GFRA3: variants seen among roughly 807,000 people sequenced by gnomAD.
GFRA3 encodes the protein GDNF family receptor alpha 3, also known as GDNF family receptor alpha-3.
Under a neutral mutation model 40.0 loss-of-function variants are expected in GFRA3, and 24 were observed. That is an observed-to-expected ratio of 0.60 (90% CI 0.43 to 0.84). GFRA3 has a LOEUF of 0.84. GFRA3 is among the 40% of genes least tolerant of loss of function. The probability of loss-of-function intolerance (pLI) is 0.00; values close to 1 mark genes in which losing one functional copy is unlikely to be tolerated. For missense variants in GFRA3, 405 were observed against 530.6 expected (o/e 0.76, Z 2.33); for synonymous variants, 203 against 213.5 (o/e 0.95, Z 0.43).
intron 4 of GFRA3, among the ~76,000 whole-genome samples, chr5:138,254,896 C>T (rs1325651329): frequency 6.6e-6 from 1 of 150,478 alleles, no homozygotes; most frequent in Non-Finnish European, 1.5e-5. Context: ...GGGTTGGAGA[C>T]TACCCTGAGC....
At chr5:138,256,835 T>C (rs1311870372) in intron 4 of GFRA3, among the ~76,000 whole-genome samples, 2 of 151,076 alleles carry the variant, frequency 1.3e-5, no homozygotes, top group Non-Finnish European at 2.9e-5. Flanking sequence ...TAGTCCTAGC[T>C]ACTCGAGAGA....
Position 138,274,538 on chromosome 5 carries a change from G to A in GFRA3, c.-114C>T. ...CCCGCCTCCCGCCCTCCAGCGCGAC[G>A]CACACACTCTCCCACCAGGGTCCTG... On this transcript the variant is annotated 5_prime_UTR_variant, in exon 1 of 8. Coordinates refer to ENST00000274721, the MANE Select transcript of GFRA3 (RefSeq NM_001496.4). 2.4e-6 allele frequency: 3 copies of A among 1,232,138 alleles called. No individual in the cohort carries two copies. The South Asian group carries it at 1.2e-4, about 48-fold the overall frequency. The allele number at this position is 1,232,138 out of a possible 1,614,324, so 76.3% of individuals were successfully genotyped here.
chr5:138,259,747 A>G, intron 2 of GFRA3, 98 bp from the exon 3 acceptor site: 1 of 757,506 alleles, frequency 1.3e-6, no homozygotes, highest in Non-Finnish European at 2.5e-6. Flanking sequence ...GCCTGTGGAG[A>G]AAAGGAAAAG....
At chr5:138,264,713 C>G (rs1474493976) in intron 1 of GFRA3, among the ~76,000 whole-genome samples, 165 bp from the exon 2 acceptor site, 1 of 152,104 alleles carries the variant, frequency 6.6e-6, no homozygotes, top group African/African-American at 2.4e-5. Flanking sequence ...AGAAGCCCAG[C>G]AGGACTGGAT....
chr5:138,274,303 A>G, intron 1 of GFRA3, 31 bp downstream of exon 1: 1 of 1,316,002 alleles, frequency 7.6e-7, no homozygotes. Context: ...CTCCCACTGT[A>G]CCCCCGGCCG....
intron 4 of GFRA3, 126 bp from the exon 5 acceptor site, chr5:138,254,286 C>T (rs1488861560): frequency 1.5e-6 from 1 of 648,054 alleles, no homozygotes; most frequent in East Asian, 2.7e-5. Context: ...CTCCCAGGTT[C>T]AAACAATTCT....
At position 138,253,696 on chromosome 5, in the gene GFRA3, C is replaced by T. The variant is rs79311703; in HGVS notation, c.1024+70G>A. 3,107 of 1,452,782 alleles carry T rather than the reference C, an allele frequency of 2.1e-3. 75 individuals are homozygous for T. The African/African-American group carries it at 0.038, about 18-fold the overall frequency. The allele number at this position is 1,452,782 out of a possible 1,614,324, so 90.0% of individuals were successfully genotyped here. ...ATGGAACCAGCCTGGGCCACAGAGTCGACCCTTTTCCTTCCCTTGAGTCCA... is the reference window on the plus strand; with the variant it reads ...ATGGAACCAGCCTGGGCCACAGAGTTGACCCTTTTCCTTCCCTTGAGTCCA... On this transcript the variant is annotated intron_variant, in intron 6 of 7. Transcript: ENST00000274721.
intron 1 of GFRA3, among the ~76,000 whole-genome samples, chr5:138,273,376 G>A (rs1755904258): frequency 6.6e-6 from 1 of 152,230 alleles, no homozygotes; most frequent in Non-Finnish European, 1.5e-5. Flanking sequence ...CATTTAATGA[G>A]AAAGGTGTTT....
Position 138,264,690 on chromosome 5 carries a change from T to C in GFRA3, c.92-142A>G. The C allele has an allele frequency of 4.9e-6, 3 of 607,780 alleles. No homozygotes were observed. In the South Asian group the frequency reaches 6.4e-5, roughly 13 times the overall value. 37.6% of individuals were successfully genotyped at this position (607,780 alleles called of 1,614,324 possible). On this transcript the variant is annotated intron_variant, in intron 1 of 7. Coordinates refer to ENST00000274721, the MANE Select transcript of GFRA3 (RefSeq NM_001496.4). ...AGCACAAAAGGCCTTTAAGAATAAG[T>C]GTGGAGAGAGAGAGAAGCCCAGCAG...
chr5:138,253,342 C>T lies in GFRA3; in HGVS notation c.1058G>A (p.Ser353Asn), dbSNP rs913625299. ...EAIAAKMRFH[S>N]QLFSQDWPHP... ...TGGCCAGTCCTGGGAGAAGAGTTGG[C>T]TGTGAAAACGCATCTTAGCTGCAAT... The change falls in exon 7 of 8, where the codon AGC (serine) becomes AAC (asparagine). Residue 353 changes from serine (S) to asparagine (N), a missense_variant. Coordinates refer to ENST00000274721, the MANE Select transcript of GFRA3 (RefSeq NM_001496.4). 2 of 1,604,330 alleles carry T rather than the reference C, an allele frequency of 1.2e-6. No individual in the cohort carries two copies. The highest frequency in any genetic ancestry group is 2.7e-5 in the African/African-American group (2 of 74,806).
At chr5:138,266,203 T>C (rs1282927878) in intron 1 of GFRA3, among the ~76,000 whole-genome samples, 1 of 152,222 alleles carries the variant, frequency 6.6e-6, no homozygotes, top group East Asian at 1.9e-4. Context: ...ATGGAATTGC[T>C]GGGTCATACG....
chr5:138,256,145 C>G (rs1234489700), intron 4 of GFRA3, among the ~76,000 whole-genome samples: 1 of 150,946 alleles, frequency 6.6e-6, no homozygotes, highest in Non-Finnish European at 1.5e-5. Context: ...GGGGGAGTAT[C>G]CCTTGAAACC....
chr5:138,258,048 G>A (rs550962312), intron 3 of GFRA3, 97 bp from the exon 4 acceptor site: 1 of 951,534 alleles, frequency 1.1e-6, no homozygotes. Context: ...TTGACAAGAA[G>A]GTAGTGGATA....
At chr5:138,271,140 G>GC (rs1177908112) in intron 1 of GFRA3, among the ~76,000 whole-genome samples, 2 of 152,012 alleles carry the variant, frequency 1.3e-5, no homozygotes, top group Non-Finnish European at 2.9e-5. Context: ...TTACAGGTAT[G>GC]CCCCACCATG....
rs1182589273 is a variant in GFRA3, at chr5:138,274,460, G to T, written c.-36C>A. ...AGGCGCCGGGCTCCGCGCTCCCCTC[G>T]CTCCTCCCCTGGAGCTCTGAGAGCG... On this transcript the variant is annotated 5_prime_UTR_variant, in exon 1 of 8. Coordinates refer to ENST00000274721, the MANE Select transcript of GFRA3 (RefSeq NM_001496.4). 1.3e-5 allele frequency: 17 copies of T among 1,280,806 alleles called. No homozygotes were observed. The highest frequency in any genetic ancestry group is 1.5e-5 in the Non-Finnish European group (15 of 1,011,904). The allele number at this position is 1,280,806 out of a possible 1,614,324, so 79.3% of individuals were successfully genotyped here.
At chr5:138,259,475 C>G in intron 3 of GFRA3, 82 bp downstream of exon 3, 1 of 777,044 alleles carries the variant, frequency 1.3e-6, no homozygotes, top group East Asian at 2.4e-5. Flanking sequence ...TATAAGCTCC[C>G]CAACTTCTGC....
In GFRA3 at chr5:138,271,905, T is replaced by TGTGTG. The variant is rs1468208782; in HGVS notation, c.91+2428_91+2429insCACAC. On this transcript the variant is annotated intron_variant, in intron 1 of 7. Transcript: ENST00000274721. ...ATTTTCTTTTCTGTTTTTTTTTTTT[T>TGTGTG]TTTTTTTTTGTGTGTGTGTGTGTGT... is the stretch of plus-strand genomic sequence containing the variant. Among the ~76,000 whole-genome samples the TGTGTG allele has an allele frequency of 5.8e-4, 56 of 96,954 alleles. 1 individual carries two copies. Among genetic ancestry groups the TGTGTG allele is most frequent in the Admixed American group, 3.0e-3 (26 of 8,614 alleles). The allele number at this position is 96,954 out of a possible 152,430, so 63.6% of individuals were successfully genotyped here. A position where few individuals can be genotyped will look rare whatever the true frequency, so the allele number is the denominator to read the frequency against.
At chr5:138,254,539 T>TC (rs1404232619) in intron 4 of GFRA3, among the ~76,000 whole-genome samples, 4 of 152,004 alleles carry the variant, frequency 2.6e-5, no homozygotes, top group African/African-American at 9.7e-5. Flanking sequence ...TCTCCCTCAT[T>TC]CCCCCTTAGC....
intron 1 of GFRA3, among the ~76,000 whole-genome samples, chr5:138,271,913 T>TTGTGTG (rs1554111238): frequency 1.4e-3 from 76 of 54,274 alleles, no homozygotes; most frequent in African/African-American, 2.7e-3. Flanking sequence ...TTTTTTTTTT[T>TTGTGTG]TGTGTGTGTG....
Sources: allele counts gnomAD v4.1 joint callset (sites outside exome capture counted in the v4.1 genomes callset), GRCh38; gene constraint gnomAD v4.1.1; transcripts MANE v1.5; gene names NCBI Gene and HGNC (gene_info 2026-07-23, HGNC 2026-07-21).